Variants in OTOF observed in about 807,000 individuals in gnomAD.
OTOF encodes the protein fer-1-like family member 2.
Under a neutral mutation model 236.8 loss-of-function variants are expected in OTOF, and 218 were observed. That is an observed-to-expected ratio of 0.92 (90% confidence interval 0.82 to 1.03). The LOEUF is 1.03. Ranked by LOEUF, OTOF falls within the 50% of genes least tolerant of loss-of-function variation. The probability of loss-of-function intolerance (pLI) is 0.00; values close to 1 mark genes in which losing one functional copy is unlikely to be tolerated. For synonymous variants in OTOF, 1,041 were observed against 1,072.5 expected (o/e 0.97, Z 0.57); for missense variants, 2,590 against 2,694.4 (o/e 0.96, Z 0.86).
Position 26,489,217 on chromosome 2 carries a change from G to A in OTOF, c.1039C>T (p.Gln347Ter). 6.2e-7 allele frequency: 1 copy of A among 1,610,928 alleles called. No individual in the cohort carries two copies. Among genetic ancestry groups the A allele is most frequent in the South Asian group, 1.1e-5 (1 of 90,700 alleles). Residue 347 changes from glutamine (Q) to a stop codon, truncating the protein, a stop_gained, in exon 11 of 47, where the codon CAG becomes TAG. Transcript: ENST00000272371. LOFTEE classifies it high-confidence loss of function. Reference protein sequence around the residue: ...FKMDVGTVYSQPEHQFHHKWA... With the variant: ...FKMDVGTVYS The stretch of plus-strand genomic sequence containing the variant: ...GCCATGCGCAGGTACTCACCTGGCT[G>A]CGAGTACACGGTTCCCACGTCCATT...
intron 30 of OTOF, 148 bp downstream of exon 30, chr2:26,472,371 C>T: frequency 1.0e-6 from 1 of 966,364 alleles, no homozygotes; most frequent in South Asian, 1.3e-5. Context: ...GCTGTTTGGA[C>T]ACACAATCAA....
At chr2:26,486,183 T>G (rs1665695113) in intron 11 of OTOF, among the ~76,000 whole-genome samples, 1 of 122,698 alleles carries the variant, frequency 8.2e-6, no homozygotes, top group Non-Finnish European at 1.7e-5. Flanking sequence ...GATATATGGG[T>G]GGGTGGATCT....
At chr2:26,496,751 TG>T (rs1450686137) in intron 8 of OTOF, among the ~76,000 whole-genome samples, 1 of 152,032 alleles carries the variant, frequency 6.6e-6, no homozygotes, top group East Asian at 1.9e-4. Flanking sequence ...TTGCTGAACT[TG>T]GGATTGAACC....
intron 10 of OTOF, 75 bp from the exon 11 acceptor site, chr2:26,489,370 G>T (rs766841428): frequency 9.4e-6 from 11 of 1,168,912 alleles, no homozygotes; most frequent in Middle Eastern, 3.8e-4. Flanking sequence ...GGTGGGACCC[G>T]AGCTTTGTGG....
chr2:26,500,707 G>A (rs76345096), intron 8 of OTOF, among the ~76,000 whole-genome samples: 2 of 152,260 alleles, frequency 1.3e-5, no homozygotes, highest in East Asian at 1.9e-4. Flanking sequence ...AAAGATGAAG[G>A]GAGATGAAGT....
intron 2 of OTOF, among the ~76,000 whole-genome samples, chr2:26,531,281 G>C (rs1329124933): frequency 2.0e-5 from 3 of 152,172 alleles, no homozygotes; most frequent in African/African-American, 7.2e-5. Context: ...ACGCAGACTG[G>C]GAGTCTCCGT....
In OTOF at chr2:26,471,142, T is replaced by C. The variant is rs756252501; in HGVS notation, c.3873A>G (p.Glu1291=). Residue 1291 remains glutamate (E), a synonymous_variant, in exon 31 of 47, where the codon GAA becomes GAG. Coordinates refer to ENST00000272371, the MANE Select transcript of OTOF (RefSeq NM_194248.3). ...ETMVKLDATS[E]AVVKVDVAEE... Reference sequence around the variant, plus strand: ...TCACCACATCCACCTTGACAACAGCTTCAGAAGTCTGCAGAGGAACCAAGG... The same window carrying C: ...TCACCACATCCACCTTGACAACAGCCTCAGAAGTCTGCAGAGGAACCAAGG... 1 of 1,613,980 alleles carries C rather than the reference T, an allele frequency of 6.2e-7. No homozygotes were observed. The highest frequency in any genetic ancestry group is 8.5e-7 in the Non-Finnish European group (1 of 1,179,978).
intron 8 of OTOF, among the ~76,000 whole-genome samples, chr2:26,497,120 T>G (rs13034075): frequency 0.39 from 47,112 of 119,818 alleles, 12,252 homozygotes; most frequent in African/African-American, 0.74. Flanking sequence ...TTTTTTTTTT[T>G]GAGACAGAGT....
intron 3 of OTOF, among the ~76,000 whole-genome samples, chr2:26,526,166 TGGAAAGGATGAAA>T (rs1666798459): frequency 1.4e-5 from 2 of 141,328 alleles, no homozygotes; most frequent in Non-Finnish European, 3.0e-5. Context: ...GAAGGATGAA[TGGAAAGGATGAAA>T]GGGTAAGTGG....
In OTOF at chr2:26,480,932, G is replaced by C. The variant is rs1665523183; in HGVS notation, c.1657C>G (p.Gln553Glu). Residue 553 changes from glutamine (Q) to glutamate (E), a missense_variant, in exon 15 of 47, where the codon CAG (glutamine) becomes GAG (glutamate). Around this residue, in one of 2 missense-constraint regions of OTOF, gnomAD observed 1,379 missense variants for 1,341.6 expected, o/e 1.03. Transcript: ENST00000272371. ...TRNYTLLDEH[Q>E]DLNEGLGEGV... ...TCCCCCAGGCCCTCGTTCAGGTCCTGATGCTCATCCAGCAGCGTGTAGTTA... is the reference window on the plus strand; with the variant it reads ...TCCCCCAGGCCCTCGTTCAGGTCCTCATGCTCATCCAGCAGCGTGTAGTTA... The C allele has an allele frequency of 6.2e-7, 1 of 1,612,952 alleles. No homozygotes were observed. Among genetic ancestry groups the C allele is most frequent in the Non-Finnish European group, 8.5e-7 (1 of 1,180,024 alleles).
chr2:26,504,115 G>A (rs1036791725), intron 5 of OTOF, among the ~76,000 whole-genome samples: 1 of 152,146 alleles, frequency 6.6e-6, no homozygotes, highest in African/African-American at 2.4e-5. Context: ...AGCAGGGAAC[G>A]TGGTCTTGAG....
intron 5 of OTOF, among the ~76,000 whole-genome samples, chr2:26,507,774 G>A (rs1666285601): frequency 6.6e-6 from 1 of 152,220 alleles, no homozygotes; most frequent in Non-Finnish European, 1.5e-5. Context: ...GAATCCGTTT[G>A]AGTTTCCTGT....
At chr2:26,515,706 A>G (rs752873747) in intron 5 of OTOF, among the ~76,000 whole-genome samples, 3 of 152,176 alleles carry the variant, frequency 2.0e-5, no homozygotes, top group Non-Finnish European at 4.4e-5. Flanking sequence ...ACTGGCATTT[A>G]ACACATAATT....
intron 8 of OTOF, among the ~76,000 whole-genome samples, chr2:26,496,449 A>C (rs1005240852): frequency 9.2e-5 from 14 of 152,026 alleles, no homozygotes; most frequent in Admixed American, 9.2e-4. Flanking sequence ...CATGTTGGCC[A>C]GGCTGGTCTT....
chr2:26,475,857 C>T, intron 24 of OTOF, 57 bp downstream of exon 24: 1 of 1,554,904 alleles, frequency 6.4e-7, no homozygotes, highest in Non-Finnish European at 8.7e-7. Context: ...TCCCCACAGG[C>T]TCACAGGCTT....
At chr2:26,495,166 G>C in intron 8 of OTOF, 93 bp from the exon 9 acceptor site, 1 of 1,415,076 alleles carries the variant, frequency 7.1e-7, no homozygotes, top group Non-Finnish European at 9.8e-7. Context: ...AGCAGGGTCA[G>C]AGGGAGGGCC....
chr2:26,544,328 G>A (rs1217220154), intron 1 of OTOF, among the ~76,000 whole-genome samples: 1 of 152,084 alleles, frequency 6.6e-6, no homozygotes, highest in East Asian at 1.9e-4. Flanking sequence ...GTTCTCTCAT[G>A]TCCCTTTCCA....
rs372807590 is a variant in OTOF at position 26,461,749 on chromosome 2, C to T, written c.5480G>A (p.Arg1827Gln). 9.3e-6 allele frequency: 15 copies of T among 1,614,152 alleles called. No homozygotes were observed. Among genetic ancestry groups the T allele is most frequent in the Non-Finnish European group, 1.1e-5 (13 of 1,180,016 alleles). Residue 1827 changes from arginine (R) to glutamine (Q), a missense_variant, in exon 43 of 47, where the codon CGG becomes CAG. By Grantham distance (43) the Arg-to-Gln change is conservative. Around this residue, in one of 2 missense-constraint regions of OTOF, gnomAD observed 1,211 missense variants for 1,352.8 expected, o/e 0.90. Transcript: ENST00000272371. The surrounding 1 kb of genome is among the most constrained non-coding windows in gnomAD (Gnocchi z 6.2). ...WDETEYKIPA[R>Q]LTLQIWDADH... ...CGCATCCCAGATCTGCAGGGTGAGC[C>T]GCGCGGGGATCTTGTACTCGGTCTC...
chr2:26,505,398 T>G (rs1666222342), intron 5 of OTOF, among the ~76,000 whole-genome samples: 1 of 144,494 alleles, frequency 6.9e-6, no homozygotes, highest in African/African-American at 2.6e-5. Context: ...TCCCTTCTGA[T>G]GGGGGAGGTG....
Sources: allele counts gnomAD v4.1 joint callset (sites outside exome capture counted in the v4.1 genomes callset), GRCh38; gene constraint gnomAD v4.1.1; regional missense constraint gnomAD v4.1.1; non-coding constraint Gnocchi (gnomAD v3.1); transcripts MANE v1.5; gene names NCBI Gene and HGNC (gene_info 2026-07-23, HGNC 2026-07-21).